NBEA: variants seen among roughly 807,000 people sequenced by gnomAD.
NBEA encodes neurobeachin.
A neutral mutation model predicts 343.4 loss-of-function variants in NBEA; 44 were observed. That is an observed-to-expected ratio of 0.13 (90% CI 0.10 to 0.16). The LOEUF (loss-of-function observed/expected upper bound fraction) is 0.16, where lower values mean the gene tolerates loss of function less well. Ranked by LOEUF, NBEA falls within the 10% of genes least tolerant of loss-of-function variation. NBEA has a pLI of 1.00. For synonymous variants in NBEA, 1,175 were observed against 1,238.7 expected (o/e 0.95, Z 1.08); for missense variants, 2,555 against 3,631.3 (o/e 0.70, Z 7.62).
chr13:35,232,460 A>G (rs1593855848), intron 33 of NBEA, 32 bp from the exon 34 acceptor site: 1 of 1,365,980 alleles, frequency 7.3e-7, no homozygotes, highest in Non-Finnish European at 1.0e-6. Flanking sequence ...ATTGAATTAT[A>G]TTTATTAGTT....
At chr13:35,619,129 A>AGTAGATT (rs2082867506) in intron 48 of NBEA, among the ~76,000 whole-genome samples, 1 of 151,670 alleles carries the variant, frequency 6.6e-6, no homozygotes, top group Non-Finnish European at 1.5e-5. Flanking sequence ...TCTACTTTTA[A>AGTAGATT]AAACCCCAGC....
intron 1 of NBEA, among the ~76,000 whole-genome samples, chr13:34,987,058 T>C (rs543687005): frequency 2.0e-5 from 3 of 151,208 alleles, no homozygotes; most frequent in African/African-American, 7.2e-5. Context: ...ATTATGCTGT[T>C]AGCCGGTTAT....
At chr13:35,158,960 T>C in intron 21 of NBEA, 56 bp from the exon 22 acceptor site, 1 of 1,390,306 alleles carries the variant, frequency 7.2e-7, no homozygotes, top group Non-Finnish European at 9.7e-7. Context: ...TATTATTTAG[T>C]TTTTTCTTTT....
intron 8 of NBEA, among the ~76,000 whole-genome samples, chr13:35,059,217 C>T (rs1022330738): frequency 6.6e-6 from 1 of 151,630 alleles, no homozygotes; most frequent in African/African-American, 2.4e-5. Flanking sequence ...TTACTGGTAA[C>T]TTGGAAAGAA....
intron 17 of NBEA, among the ~76,000 whole-genome samples, chr13:35,124,631 TACAC>T (rs150690306): frequency 0.048 from 6,906 of 143,956 alleles, 238 homozygotes; most frequent in Non-Finnish European, 0.069. Context: ...TGGATATACA[TACAC>T]ACACATATAT....
At chr13:35,154,293 C>A (rs2069001716) in intron 18 of NBEA, among the ~76,000 whole-genome samples, 1 of 152,180 alleles carries the variant, frequency 6.6e-6, no homozygotes, top group Non-Finnish European at 1.5e-5. Flanking sequence ...CCCTCTCTCT[C>A]AATTTGCTTT....
chr13:35,541,193 C>A (rs763887809), intron 41 of NBEA, among the ~76,000 whole-genome samples: 1 of 151,850 alleles, frequency 6.6e-6, no homozygotes, highest in Non-Finnish European at 1.5e-5. Flanking sequence ...CCCCCCCACC[C>A]CCAGCACTGT....
chr13:35,152,639 A>G (rs747211412), intron 18 of NBEA, among the ~76,000 whole-genome samples: 17 of 152,336 alleles, frequency 1.1e-4, no homozygotes, highest in African/African-American at 1.7e-4. Context: ...TGAAATTTCA[A>G]TGTGTAATGC....
chr13:35,124,265 T>C (rs561823657), intron 17 of NBEA, among the ~76,000 whole-genome samples: 64 of 151,580 alleles, frequency 4.2e-4, no homozygotes, highest in South Asian at 2.1e-4. Flanking sequence ...TTTTTTTTTT[T>C]TTTGGTGCTT....
At chr13:35,455,397 TAA>T (rs529352383) in intron 40 of NBEA, among the ~76,000 whole-genome samples, 5 of 126,132 alleles carry the variant, frequency 4.0e-5, no homozygotes, top group Admixed American at 8.0e-5. Context: ...TTTCTGTTTA[TAA>T]AAAAAAAAAA....
At chr13:35,041,918 G>A (rs1249097981) in intron 2 of NBEA, among the ~76,000 whole-genome samples, 6 of 151,804 alleles carry the variant, frequency 4.0e-5, no homozygotes, top group Non-Finnish European at 8.8e-5. Context: ...TTTTTTGTAA[G>A]CCACGAATCT....
intron 55 of NBEA, among the ~76,000 whole-genome samples, chr13:35,658,662 C>A (rs1478053063): frequency 6.6e-6 from 1 of 151,972 alleles, no homozygotes. Flanking sequence ...TATTTTGTAC[C>A]ATACTTTAAG....
At position 35,572,373 on chromosome 13, in the gene NBEA, A is replaced by G. The variant is rs555334245; in HGVS notation, c.7035+5356A>G. Among the ~76,000 whole-genome samples the G allele has an allele frequency of 2.6e-5, 4 of 152,316 alleles. No homozygotes were observed. In the South Asian group the frequency reaches 8.3e-4, roughly 32 times the overall value. Reference sequence around the variant, plus strand: ...GCCCTCTGATAAGTGAAATAGTTTCATCACAAAACCAAGTCCTACTAATAT... The same window carrying G: ...GCCCTCTGATAAGTGAAATAGTTTCGTCACAAAACCAAGTCCTACTAATAT... On this transcript the variant is annotated intron_variant, in intron 45 of 58. Coordinates refer to ENST00000379939, the MANE Select transcript of NBEA (RefSeq NM_001385012.1).
chr13:35,227,431 G>A (rs1156959481), intron 33 of NBEA, among the ~76,000 whole-genome samples: 2 of 151,844 alleles, frequency 1.3e-5, no homozygotes, highest in Non-Finnish European at 2.9e-5. Context: ...TTTCATCTGT[G>A]TTTACCTAAA....
intron 33 of NBEA, among the ~76,000 whole-genome samples, chr13:35,226,385 G>C (rs1043357061): frequency 6.6e-6 from 1 of 152,038 alleles, no homozygotes; most frequent in Non-Finnish European, 1.5e-5. Context: ...AACTCTCCAG[G>C]GAAAGAATGT....
intron 38 of NBEA, among the ~76,000 whole-genome samples, chr13:35,395,449 A>C (rs2042699945): frequency 6.6e-6 from 1 of 152,034 alleles, no homozygotes; most frequent in Admixed American, 6.6e-5. Flanking sequence ...AAGTTTCCTG[A>C]GGCCTCACCA....
intron 41 of NBEA, among the ~76,000 whole-genome samples, chr13:35,510,576 C>T (rs893462031): frequency 2.0e-5 from 3 of 151,890 alleles, no homozygotes; most frequent in African/African-American, 7.3e-5. Context: ...CCGTATTACA[C>T]GTTACTGTCT....
intron 43 of NBEA, among the ~76,000 whole-genome samples, chr13:35,553,993 A>T (rs1382732891): frequency 6.6e-6 from 1 of 152,174 alleles, no homozygotes; most frequent in East Asian, 1.9e-4. Context: ...TGGAACAGGA[A>T]ATGAGTGTGG....
At chr13:35,640,255 C>T (rs537393969) in intron 49 of NBEA, among the ~76,000 whole-genome samples, 35 of 152,176 alleles carry the variant, frequency 2.3e-4, no homozygotes, top group Admixed American at 7.2e-4. Context: ...GGAGGTAGAA[C>T]TTCCTTGGAA....
Sources: allele counts gnomAD v4.1 joint callset (sites outside exome capture counted in the v4.1 genomes callset), GRCh38; gene constraint gnomAD v4.1.1; transcripts MANE v1.5; gene names NCBI Gene and HGNC (gene_info 2026-07-23, HGNC 2026-07-21).